ARHGEF10: variants seen among roughly 807,000 people sequenced by gnomAD.
The protein encoded by ARHGEF10 is Rho guanine nucleotide exchange factor (GEF) 10.
ARHGEF10 carries 140 observed loss-of-function variants against 147.4 expected under a neutral mutation model. The observed-to-expected ratio is 0.95, with a 90% CI of 0.83 to 1.09. The LOEUF (loss-of-function observed/expected upper bound fraction) is 1.09, where lower values mean the gene tolerates loss of function less well. Ranked by LOEUF, ARHGEF10 falls within the 50% of genes least tolerant of loss-of-function variation. The pLI is 0.00. For synonymous variants in ARHGEF10, 902 were observed against 695.8 expected (o/e 1.30, Z -4.67); for missense variants, 2,222 against 1,752.7 (o/e 1.27, Z -4.78).
chr8:1,866,195 G>C (rs1313999000), intron 5 of ARHGEF10, among the ~76,000 whole-genome samples: 1 of 152,150 alleles, frequency 6.6e-6, no homozygotes, highest in African/African-American at 2.4e-5. Context: ...GGGCCTAAGA[G>C]GTCCTCAAAG....
At chr8:1,825,983 A>T in intron 1 of ARHGEF10, 1 of 734,856 alleles carries the variant, frequency 1.4e-6, no homozygotes, top group Non-Finnish European at 2.3e-6. Context: ...AAGAGAGATG[A>T]TTACTGAGGT....
intron 1 of ARHGEF10, among the ~76,000 whole-genome samples, chr8:1,829,078 C>G (rs1563143436): frequency 6.6e-6 from 1 of 152,242 alleles, no homozygotes; most frequent in Non-Finnish European, 1.5e-5. Context: ...GGGCCTCCAG[C>G]ACACCTGGGG....
At chr8:1,834,332 C>T (rs1803453447) in intron 1 of ARHGEF10, among the ~76,000 whole-genome samples, 1 of 152,118 alleles carries the variant, frequency 6.6e-6, no homozygotes, top group African/African-American at 2.4e-5. Flanking sequence ...TGGGAGCGTG[C>T]AGAGGAGGGG....
At chr8:1,848,439 G>C (rs894369895) in intron 2 of ARHGEF10, among the ~76,000 whole-genome samples, 1 of 152,188 alleles carries the variant, frequency 6.6e-6, no homozygotes, top group Admixed American at 6.5e-5. Context: ...AGCATTTCTT[G>C]TGTAGATTTG....
intron 2 of ARHGEF10, 133 bp from the exon 3 acceptor site, chr8:1,857,827 C>A: frequency 1.2e-6 from 1 of 809,222 alleles, no homozygotes; most frequent in Non-Finnish European, 2.0e-6. Context: ...ACTACAAGCG[C>A]AGTACAGCAC....
intron 4 of ARHGEF10, 129 bp downstream of exon 4, chr8:1,860,313 C>A: frequency 7.8e-7 from 1 of 1,283,448 alleles, no homozygotes; most frequent in Non-Finnish European, 1.1e-6. Context: ...AGAGTCCGGG[C>A]CTGACCTTCC....
rs1316948828 is a variant in ARHGEF10 at position 1,948,621 on chromosome 8, C to T, written c.3397+2966C>T. Among the ~76,000 whole-genome samples the T allele has an allele frequency of 6.6e-6, 1 of 152,134 alleles. No homozygotes were observed. The highest frequency in any genetic ancestry group is 1.5e-5 in the Non-Finnish European group (1 of 68,028). On this transcript the variant is annotated intron_variant, in intron 27 of 28. Transcript: ENST00000349830. The surrounding 1 kb of genome is among the most constrained non-coding windows in gnomAD (Gnocchi z 4.9). The stretch of plus-strand genomic sequence containing the variant: ...TCTGACAGTGATTCTCTGTAAGATC[C>T]TCAGTGCGGCATAGACTGAAATGGT...
At chr8:1,953,601 A>G (rs1029997318) in intron 28 of ARHGEF10, among the ~76,000 whole-genome samples, 3 of 148,174 alleles carry the variant, frequency 2.0e-5, no homozygotes, top group Non-Finnish European at 4.4e-5. Flanking sequence ...ACAAAGTATG[A>G]TGCAAGAAGA....
At chr8:1,953,737 A>G (rs1231897241) in intron 28 of ARHGEF10, among the ~76,000 whole-genome samples, 1 of 152,236 alleles carries the variant, frequency 6.6e-6, no homozygotes, top group East Asian at 1.9e-4. Context: ...AGCCAGCAGA[A>G]GTGGTGTGTG....
intron 26 of ARHGEF10, among the ~76,000 whole-genome samples, chr8:1,942,134 T>TCGACCCA (rs1814145667): frequency 6.6e-6 from 1 of 151,424 alleles, no homozygotes; most frequent in South Asian, 2.1e-4. Flanking sequence ...TTCATTAAAG[T>TCGACCCA]TAAAACCTTT....
chr8:1,924,119 T>C (rs1340503465), intron 21 of ARHGEF10, among the ~76,000 whole-genome samples: 1 of 152,114 alleles, frequency 6.6e-6, no homozygotes, highest in Non-Finnish European at 1.5e-5. Context: ...TACCAGAACA[T>C]GAATATCAGT....
intron 7 of ARHGEF10, chr8:1,876,006 A>C (rs1807666407): frequency 6.3e-6 from 1 of 159,688 alleles, no homozygotes; most frequent in African/African-American, 2.4e-5. Context: ...GAGTTTGAAG[A>C]ATGTCATTTT....
At chr8:1,869,474 C>T (rs111801715) in intron 7 of ARHGEF10, 6 of 660,960 alleles carry the variant, frequency 9.1e-6, no homozygotes, top group East Asian at 5.6e-5. Flanking sequence ...TTACTTATCC[C>T]AAGCAAACAG....
chr8:1,935,696 G>T (rs1813536219), intron 26 of ARHGEF10, among the ~76,000 whole-genome samples: 1 of 152,190 alleles, frequency 6.6e-6, no homozygotes, highest in Non-Finnish European at 1.5e-5. Context: ...GCTTGTGCAC[G>T]CACATCTAAG....
intron 2 of ARHGEF10, among the ~76,000 whole-genome samples, chr8:1,855,437 G>A (rs116639595): frequency 0.011 from 1,670 of 152,188 alleles, 36 homozygotes; most frequent in African/African-American, 0.039. Context: ...GCTGCAGTGC[G>A]GTGGCGCAAT....
intron 18 of ARHGEF10, among the ~76,000 whole-genome samples, chr8:1,914,710 G>A (rs940844929): frequency 5.3e-5 from 8 of 152,212 alleles, no homozygotes; most frequent in African/African-American, 9.7e-5. Context: ...TCATCTGAAC[G>A]TTGTACTGTA....
At chr8:1,925,684 G>T (rs1812637783) in intron 22 of ARHGEF10, among the ~76,000 whole-genome samples, 2 of 152,204 alleles carry the variant, frequency 1.3e-5, no homozygotes, top group Admixed American at 6.5e-5. Context: ...TTAAAGAGGG[G>T]ACACGTGTTT....
intron 11 of ARHGEF10, among the ~76,000 whole-genome samples, chr8:1,887,098 A>G (rs529945772): frequency 1.3e-5 from 2 of 152,212 alleles, no homozygotes; most frequent in African/African-American, 2.4e-5. Context: ...GTCCTCTACT[A>G]TCTGGGGCCC....
chr8:1,873,514 A>ATT (rs1327292932), intron 7 of ARHGEF10, among the ~76,000 whole-genome samples: 9 of 50,698 alleles, frequency 1.8e-4, no homozygotes, highest in East Asian at 1.5e-3. Context: ...TCCTCGTTTG[A>ATT]GAGGCGCCCG....
Sources: allele counts gnomAD v4.1 joint callset (sites outside exome capture counted in the v4.1 genomes callset), GRCh38; gene constraint gnomAD v4.1.1; non-coding constraint Gnocchi (gnomAD v3.1); transcripts MANE v1.5; gene names NCBI Gene and HGNC (gene_info 2026-07-23, HGNC 2026-07-21).